The following ABCC2 variants were observed in gnomAD, a reference collection of about 807,000 sequenced individuals.
ABCC2 encodes the protein ATP binding cassette subfamily C member 2, also known as ATP-binding cassette sub-family C member 2.
A neutral mutation model predicts 173.4 loss-of-function variants in ABCC2; 157 were observed. That is an observed-to-expected ratio of 0.91 (90% CI 0.80 to 1.03). The LOEUF (loss-of-function observed/expected upper bound fraction) is 1.03, where lower values mean the gene tolerates loss of function less well. Among genes scored for constraint, ABCC2 ranks in the 50% least tolerant of loss-of-function variants. The probability of loss-of-function intolerance (pLI) is 0.00; values close to 1 mark genes in which losing one functional copy is unlikely to be tolerated. For synonymous variants in ABCC2, 657 were observed against 693.5 expected, an observed-to-expected ratio of 0.95 and a Z score of 0.83; for missense variants, 1,822 against 1,852.3, an observed-to-expected ratio of 0.98 and a Z score of 0.30.
At chr10:99,845,527 C>T (rs1294328767) in intron 28 of ABCC2, 97 bp from the exon 29 acceptor site, 1 of 1,495,952 alleles carries the variant, frequency 6.7e-7, no homozygotes, top group African/African-American at 1.4e-5. Context: ...TAGCCAGTCA[C>T]TGCCTCTTAC....
At chr10:99,842,557 C>A (rs1317736787) in intron 26 of ABCC2, among the ~76,000 whole-genome samples, 1 of 152,120 alleles carries the variant, frequency 6.6e-6, no homozygotes, top group Non-Finnish European at 1.5e-5. Flanking sequence ...ACTGCAGCAT[C>A]CCCAGCATGA....
intron 13 of ABCC2, among the ~76,000 whole-genome samples, chr10:99,808,601 G>C (rs888449748): frequency 3.3e-5 from 5 of 152,064 alleles, no homozygotes; most frequent in Non-Finnish European, 7.4e-5. Context: ...TGGCCCAAAG[G>C]GAGAAGAGAG....
chr10:99,851,957 CCT>C lies in ABCC2; in HGVS notation c.*327_*328del, dbSNP rs1178509803. The C allele has an allele frequency of 1.7e-5, 4 of 234,562 alleles. No individual in the cohort carries two copies. The Admixed American group carries it at 2.1e-4, about 12-fold the overall frequency. The allele number at this position is 234,562 out of a possible 1,614,324, so 14.5% of individuals were successfully genotyped here. A position where few individuals can be genotyped will look rare whatever the true frequency, so the allele number is the denominator to read the frequency against. On this transcript the variant is annotated 3_prime_UTR_variant, in exon 32 of 32. Transcript: ENST00000647814. ...GTATGTATCTTTAAACAACATATAC[CCT>C]TTTTTACTTATGTAAATGGACTGAC...
chr10:99,836,413 T>A, intron 25 of ABCC2, 123 bp downstream of exon 25: 1 of 1,027,294 alleles, frequency 9.7e-7, no homozygotes, highest in South Asian at 1.3e-5. Flanking sequence ...CACACTGTCA[T>A]GCTATGTAAG....
chr10:99,817,538 G>A (rs2038444226), intron 17 of ABCC2, 54 bp downstream of exon 17: 1 of 1,594,170 alleles, frequency 6.3e-7, no homozygotes, highest in East Asian at 2.2e-5. Flanking sequence ...AAGAGAAAAA[G>A]TGAGGATGGT....
In ABCC2 at chr10:99,834,503, A is replaced by C; in HGVS notation, c.3382A>C (p.Ile1128Leu). ...CACTCCTGTCTTCACCATCATCGTCATTCCTCTTGGCATTATTTATGTATC... is the reference window on the plus strand; with the variant it reads ...CACTCCTGTCTTCACCATCATCGTCCTTCCTCTTGGCATTATTTATGTATC... ...MATPVFTIIV[I>L]PLGIIYVSVQ... Residue 1128 changes from isoleucine (I) to leucine (L), a missense_variant, in exon 24 of 32, where the codon ATT becomes CTT. Ile to Leu is a conservative substitution (Grantham distance 5). Transcript: ENST00000647814. 6.2e-7 allele frequency: 1 copy of C among 1,614,108 alleles called. No homozygotes were observed. Among genetic ancestry groups the C allele is most frequent in the Non-Finnish European group, 8.5e-7 (1 of 1,180,026 alleles).
intron 20 of ABCC2, 117 bp downstream of exon 20, chr10:99,830,550 C>G: frequency 6.4e-7 from 1 of 1,570,790 alleles, no homozygotes; most frequent in South Asian, 1.1e-5. Flanking sequence ...CCAAGCTCTT[C>G]CTTTGTTTCT....
chr10:99,833,658 T>C (rs1393665956), intron 23 of ABCC2, among the ~76,000 whole-genome samples: 1 of 152,192 alleles, frequency 6.6e-6, no homozygotes, highest in Non-Finnish European at 1.5e-5. Context: ...GATAGGACTT[T>C]GGGAAAGGTA....
At position 99,844,407 on chromosome 10, in the gene ABCC2, G is replaced by C. The variant is rs369846306; in HGVS notation, c.3929G>C (p.Arg1310Pro). The change falls in exon 28 of 32, where the codon CGA becomes CCA. Residue 1310 changes from arginine to proline, a missense_variant. Transcript: ENST00000647814. ...IQFNNYQVRY[R>P]PELDLVLRGI... ...TTTAACAACTACCAAGTGCGGTACCGACCTGAGCTGGATCTGGTCCTCAGA... is the reference window on the plus strand; with the variant it reads ...TTTAACAACTACCAAGTGCGGTACCCACCTGAGCTGGATCTGGTCCTCAGA... The C allele has an allele frequency of 3.1e-6, 5 of 1,614,192 alleles. No individual in the cohort carries two copies. Among genetic ancestry groups the C allele is most frequent in the Non-Finnish European group, 4.2e-6 (5 of 1,180,046 alleles).
chr10:99,810,091 G>A (rs372247652), intron 13 of ABCC2, 43 bp from the exon 14 acceptor site: 50 of 1,564,152 alleles, frequency 3.2e-5, no homozygotes, highest in Middle Eastern at 1.7e-4. Flanking sequence ...GCTTGTGCTC[G>A]TTACTGACTT....
intron 9 of ABCC2, among the ~76,000 whole-genome samples, chr10:99,801,851 T>C (rs1471287481): frequency 3.9e-5 from 6 of 152,228 alleles, no homozygotes; most frequent in Non-Finnish European, 8.8e-5. Flanking sequence ...TTGTCTTCCC[T>C]GAGTAGATGT....
intron 19 of ABCC2, 118 bp from the exon 20 acceptor site, chr10:99,830,189 G>A (rs1376371060): frequency 6.8e-6 from 8 of 1,172,140 alleles, no homozygotes; most frequent in Non-Finnish European, 1.0e-5. Context: ...CATGCTGTAT[G>A]TACATCTGGG....
intron 19 of ABCC2, among the ~76,000 whole-genome samples, chr10:99,822,704 T>C (rs1033924174): frequency 4.5e-4 from 68 of 152,204 alleles, no homozygotes; most frequent in African/African-American, 1.6e-3. Context: ...GTTTAAAAAA[T>C]TTAAAGTATA....
chr10:99,787,819 T>C (rs185531820), intron 2 of ABCC2, among the ~76,000 whole-genome samples: 109 of 152,140 alleles, frequency 7.2e-4, no homozygotes, highest in African/African-American at 2.6e-3. Context: ...TCCCAACACT[T>C]TGGGAAGCTG....
chr10:99,794,403 T>C lies in ABCC2; in HGVS notation c.577-10T>C. 6.2e-7 allele frequency: 1 copy of C among 1,613,406 alleles called. No individual in the cohort carries two copies. Among genetic ancestry groups the C allele is most frequent in the African/African-American group, 1.3e-5 (1 of 75,042 alleles). On this transcript the variant is annotated splice_polypyrimidine_tract_variant and intron_variant, in intron 5 of 31. Coordinates refer to ENST00000647814, the MANE Select transcript of ABCC2 (RefSeq NM_000392.5). The stretch of plus-strand genomic sequence containing the variant: ...ATTGGTTTACATTTCGATTTTTTTG[T>C]GTCTTTCAGAATCCATCATCCATAG...
In ABCC2 at chr10:99,842,000, C is replaced by A. The variant is rs144967259; in HGVS notation, c.3648C>A (p.Asn1216Lys). ...WLAIRLELVG[N>K]LTVFFSALMM... is the part of the protein sequence containing the mutation. ...CAATTCGCCTGGAGCTGGTTGGGAA[C>A]CTGACTGTCTTCTTTTCAGCCTTGA... Residue 1216 changes from asparagine to lysine, a missense_variant, in exon 26 of 32, where the codon AAC becomes AAA. Coordinates refer to ENST00000647814, the MANE Select transcript of ABCC2 (RefSeq NM_000392.5). 5.2e-4 allele frequency: 838 copies of A among 1,614,180 alleles called. 1 individual carries two copies. Among genetic ancestry groups the A allele is most frequent in the Non-Finnish European group, 6.8e-4 (807 of 1,180,026 alleles).
chr10:99,814,929 A>G (rs2038377399), intron 16 of ABCC2, among the ~76,000 whole-genome samples: 1 of 150,888 alleles, frequency 6.6e-6, no homozygotes, highest in Non-Finnish European at 1.5e-5. Flanking sequence ...TCAGCCTCCC[A>G]AATAGCTGGG....
chr10:99,834,261 T>A, intron 23 of ABCC2, 119 bp from the exon 24 acceptor site: 2 of 1,004,952 alleles, frequency 2.0e-6, no homozygotes, highest in Admixed American at 4.0e-5. Flanking sequence ...ATGAAATGAT[T>A]ACATGAAGGA....
rs769152921 is a variant in ABCC2 at position 99,836,069 on chromosome 10, ATTC to A, written c.3415-19_3415-17del. 3.2e-5 allele frequency: 51 copies of A among 1,612,086 alleles called. No homozygotes were observed. The highest frequency in any genetic ancestry group is 5.9e-6 in the Non-Finnish European group (7 of 1,179,790). ...TGCCTCATGACTGCGGGACTGGCTG[ATTC>A]TTTACTTTTTGTGTCCAGATGTTTT... is the stretch of plus-strand genomic sequence containing the variant. On this transcript the variant is annotated intron_variant, in intron 24 of 31. Transcript: ENST00000647814.
Sources: allele counts gnomAD v4.1 joint callset (sites outside exome capture counted in the v4.1 genomes callset), GRCh38; gene constraint gnomAD v4.1.1; transcripts MANE v1.5; gene names NCBI Gene and HGNC (gene_info 2026-07-23, HGNC 2026-07-21).